DHRSX: variants seen among roughly 807,000 people sequenced by gnomAD.
DHRSX encodes the protein polyprenol dehydrogenase.
A neutral mutation model predicts 34.0 loss-of-function variants in DHRSX; 31 were observed. The observed-to-expected ratio is 0.91, with a 90% confidence interval of 0.69 to 1.23. The LOEUF (loss-of-function observed/expected upper bound fraction) is 1.23, where lower values mean the gene tolerates loss of function less well. Ranked by LOEUF, DHRSX falls within the 50% of genes most tolerant of loss-of-function variation. The probability of loss-of-function intolerance (pLI) is 0.00; values close to 1 mark genes in which losing one functional copy is unlikely to be tolerated. For synonymous variants in DHRSX, 201 were observed against 183.8 expected, an observed-to-expected ratio of 1.09 and a Z score of -0.76; for missense variants, 414 against 428.1, an observed-to-expected ratio of 0.97 and a Z score of 0.29.
intron 3 of DHRSX, among the ~76,000 whole-genome samples, chrX:2,297,621 TTTTG>T (rs1254343030): frequency 6.6e-6 from 1 of 152,172 alleles, no homozygotes; most frequent in Non-Finnish European, 1.5e-5. Flanking sequence ...GATTTTTGTT[TTTTG>T]TTTGTTAGCT....
At position 2,320,886 on chromosome X, in the gene DHRSX, GTC is replaced by G. The variant is rs1401373033; in HGVS notation, c.287-29285_287-29284del. Among the ~76,000 whole-genome samples, 337 of 152,204 alleles carry G rather than the reference GTC, an allele frequency of 2.2e-3. 1 individual carries two copies. Among genetic ancestry groups the G allele is most frequent in the African/African-American group, 7.3e-3 (303 of 41,536 alleles). ...AAGTGCAAGACAGCAGCCATGACGT[GTC>G]GGTCCACGTACAGCCTGTCTGCCTG... is the stretch of plus-strand genomic sequence containing the variant. On this transcript the variant is annotated intron_variant, in intron 3 of 6. Coordinates refer to ENST00000334651, the MANE Select transcript of DHRSX (RefSeq NM_145177.3).
intron 5 of DHRSX, among the ~76,000 whole-genome samples, chrX:2,264,695 G>A (rs956422064): frequency 2.0e-5 from 3 of 148,410 alleles, no homozygotes; most frequent in South Asian, 2.1e-4. Flanking sequence ...GGGCACGTGC[G>A]CCCAGTAGAC....
chrX:2,228,564 G>T (rs1292225272), intron 6 of DHRSX, among the ~76,000 whole-genome samples: 1 of 150,900 alleles, frequency 6.6e-6, no homozygotes, highest in Admixed American at 6.6e-5. Flanking sequence ...AGGAAGGAAG[G>T]GAGGGAGGAA....
intron 3 of DHRSX, among the ~76,000 whole-genome samples, chrX:2,301,325 A>C (rs1294890686): frequency 6.6e-6 from 1 of 152,190 alleles, no homozygotes; most frequent in Non-Finnish European, 1.5e-5. Flanking sequence ...GAGGCAGGGG[A>C]ATCGCTTGAA....
intron 1 of DHRSX, among the ~76,000 whole-genome samples, chrX:2,456,832 T>C (rs1485916344): frequency 3.3e-5 from 5 of 152,064 alleles, no homozygotes; most frequent in African/African-American, 7.2e-5. Flanking sequence ...AGGTTCTGAA[T>C]CTCTGATCTG....
chrX:2,270,785 TCTAG>T (rs2041540709), intron 4 of DHRSX, among the ~76,000 whole-genome samples: 1 of 152,132 alleles, frequency 6.6e-6, no homozygotes, highest in Non-Finnish European at 1.5e-5. Context: ...AGACCTTTTG[TCTAG>T]CTAAAGAATT....
chrX:2,272,272 T>C (rs1234561460), intron 4 of DHRSX, among the ~76,000 whole-genome samples: 1 of 152,130 alleles, frequency 6.6e-6, no homozygotes, highest in South Asian at 2.1e-4. Flanking sequence ...ATGTGAAGAA[T>C]CTGGAGACAC....
intron 3 of DHRSX, among the ~76,000 whole-genome samples, chrX:2,346,645 G>GTTT (rs1556483988): frequency 1.0e-4 from 11 of 105,954 alleles, no homozygotes; most frequent in South Asian, 3.2e-4. Context: ...TATGAGTCTG[G>GTTT]TTTTTTTTTT....
intron 5 of DHRSX, among the ~76,000 whole-genome samples, chrX:2,253,322 C>T (rs867843259): frequency 1.1e-3 from 58 of 52,112 alleles, no homozygotes; most frequent in African/African-American, 1.5e-3. Flanking sequence ...GTGGACATGG[C>T]CTTGAGCCAA....
intron 3 of DHRSX, among the ~76,000 whole-genome samples, chrX:2,371,641 T>A (rs1340291030): frequency 6.7e-6 from 1 of 150,020 alleles, no homozygotes; most frequent in East Asian, 2.0e-4. Flanking sequence ...CCCGTTACCA[T>A]AGTCCACACT....
At chrX:2,290,622 T>A (rs2041854468) in intron 4 of DHRSX, among the ~76,000 whole-genome samples, 2 of 152,256 alleles carry the variant, frequency 1.3e-5, no homozygotes. Context: ...GCTCACTGTT[T>A]GACGTACGTC....
chrX:2,439,421 T>C (rs2044036942), intron 1 of DHRSX, among the ~76,000 whole-genome samples: 1 of 152,152 alleles, frequency 6.6e-6, no homozygotes, highest in Non-Finnish European at 1.5e-5. Context: ...CTCTGACAAG[T>C]TCCTTTGTCC....
In DHRSX at chrX:2,382,232, C is replaced by T. The variant is rs192590981; in HGVS notation, c.286+26513G>A. On this transcript the variant is annotated intron_variant, in intron 3 of 6. Coordinates refer to ENST00000334651, the MANE Select transcript of DHRSX (RefSeq NM_145177.3). ...GCTGACAGCAGAATCCCTGAGTCTT[C>T]GGATATTAGGGCTGTTGTTAGCTAT... Among the ~76,000 whole-genome samples the T allele has an allele frequency of 5.4e-4, 82 of 152,112 alleles. 1 individual carries two copies. The East Asian group carries it at 8.9e-3, about 17-fold the overall frequency.
intron 3 of DHRSX, among the ~76,000 whole-genome samples, chrX:2,380,260 C>T (rs1272853665): frequency 1.5e-5 from 2 of 134,088 alleles, no homozygotes; most frequent in Admixed American, 8.9e-5. Context: ...GAGATCATGC[C>T]ACTGCACTCC....
At chrX:2,317,256 CT>C (rs779722860) in intron 3 of DHRSX, among the ~76,000 whole-genome samples, 45 of 87,418 alleles carry the variant, frequency 5.1e-4, no homozygotes, top group Admixed American at 8.3e-4. Context: ...CCGCGCCTGG[CT>C]TTTTTTTTTT....
At chrX:2,485,958 G>A (rs372894256) in intron 1 of DHRSX, among the ~76,000 whole-genome samples, 1 of 151,520 alleles carries the variant, frequency 6.6e-6, no homozygotes, top group South Asian at 2.1e-4. Flanking sequence ...GGCTGAAGAA[G>A]AGAGGGAGGG....
At chrX:2,238,709 G>A (rs1189419794) in intron 6 of DHRSX, among the ~76,000 whole-genome samples, 2 of 150,624 alleles carry the variant, frequency 1.3e-5, no homozygotes, top group Non-Finnish European at 2.9e-5. Context: ...TCAGCCTCCC[G>A]AGTAGCTGGA....
At chrX:2,313,515 A>C (rs62593070) in intron 3 of DHRSX, among the ~76,000 whole-genome samples, 109,673 of 151,708 alleles carry the variant, frequency 0.72, 40,694 homozygotes, top group African/African-American at 0.82. Flanking sequence ...ACTACAGGCA[A>C]GCGCCACCAT....
chrX:2,402,442 C>T (rs1479637036), intron 3 of DHRSX, among the ~76,000 whole-genome samples: 3 of 152,284 alleles, frequency 2.0e-5, no homozygotes, highest in South Asian at 4.1e-4. Context: ...GAGCTGTGGT[C>T]GTCCATAAGA....
Sources: gnomAD v4.1 joint callset for allele counts (sites outside exome capture counted in the v4.1 genomes callset) on GRCh38, gnomAD v4.1.1 for gene constraint, MANE v1.5 for transcripts, NCBI Gene and HGNC (gene_info 2026-07-23, HGNC 2026-07-21) for gene names.